CDH3: variants seen among roughly 807,000 people sequenced by gnomAD.
CDH3 encodes the protein cadherin 3, also known as cadherin-3.
CDH3 carries 54 observed loss-of-function variants against 82.0 expected under a neutral mutation model. The observed-to-expected ratio is 0.66, with a 90% CI of 0.53 to 0.83. The LOEUF (loss-of-function observed/expected upper bound fraction) is 0.83, where lower values mean the gene tolerates loss of function less well. Among genes scored for constraint, CDH3 ranks in the 40% least tolerant of loss-of-function variants. CDH3 has a pLI of 0.00. For synonymous variants in CDH3, 446 were observed against 437.9 expected (o/e 1.02, Z -0.23); for missense variants, 1,054 against 1,084.6 (o/e 0.97, Z 0.40).
rs576039703 is a variant in CDH3 at position 68,680,840 on chromosome 16, G to C, written c.868-128G>C. 36 of 1,038,852 alleles carry C rather than the reference G, an allele frequency of 3.5e-5. 1 individual carries two copies. The East Asian group carries it at 3.6e-4, about 10-fold the overall frequency. 64.4% of individuals were successfully genotyped at this position (1,038,852 alleles called of 1,614,324 possible). ...GCAGTGGGTGAGGGGTGGTCAAGGA[G>C]TCAGCGTTATGATAGGGAGAGATCC... is the stretch of plus-strand genomic sequence containing the variant. On this transcript the variant is annotated intron_variant, in intron 7 of 15. Coordinates refer to ENST00000264012, the MANE Select transcript of CDH3 (RefSeq NM_001793.6).
intron 1 of CDH3, among the ~76,000 whole-genome samples, chr16:68,711,382 G>A (rs1359310043): frequency 1.3e-5 from 2 of 152,076 alleles, no homozygotes; most frequent in African/African-American, 4.8e-5. Context: ...AAGAGAAAGA[G>A]CAGGTGTGAG....
chr16:68,669,561 G>A (rs1960829973), intron 2 of CDH3, among the ~76,000 whole-genome samples: 1 of 152,038 alleles, frequency 6.6e-6, no homozygotes, highest in African/African-American at 2.4e-5. Context: ...ACACTCTAGT[G>A]GGAAGCAGAT....
intron 15 of CDH3, among the ~76,000 whole-genome samples, chr16:68,697,739 C>A (rs976496575): frequency 6.6e-6 from 1 of 152,176 alleles, no homozygotes; most frequent in African/African-American, 2.4e-5. Flanking sequence ...ATTCTAATAA[C>A]TGCTTTACAG....
intron 1 of CDH3, among the ~76,000 whole-genome samples, chr16:68,716,620 CAAAAAAAAA>C (rs563385107): frequency 5.8e-5 from 6 of 103,200 alleles, no homozygotes; most frequent in Non-Finnish European, 1.1e-4. Flanking sequence ...GACTCCGGCT[CAAAAAAAAA>C]AAAAAAAAAA....
At chr16:68,686,684 TGAAATAAG>T (rs1369780360) in intron 11 of CDH3, 1 of 790,736 alleles carries the variant, frequency 1.3e-6, no homozygotes, top group East Asian at 2.4e-5. Flanking sequence ...GTACGTAGAC[TGAAATAAG>T]TCACTATTGG....
At chr16:68,695,610 G>A (rs1047491032) in intron 14 of CDH3, among the ~76,000 whole-genome samples, 167 bp from the exon 15 acceptor site, 5 of 152,216 alleles carry the variant, frequency 3.3e-5, no homozygotes, top group South Asian at 2.1e-4. Context: ...CTAGGACAAG[G>A]GAGGATGGAA....
downstream of CDH3, among the ~76,000 whole-genome samples, chr16:68,731,053 T>C (rs1411901961): frequency 0.067 from 2,032 of 30,360 alleles, 138 homozygotes; most frequent in African/African-American, 0.17. Context: ...AAAAAATATA[T>C]ATATATATAT....
intron 13 of CDH3, 36 bp downstream of exon 13, chr16:68,691,962 G>GGT: frequency 6.4e-7 from 1 of 1,560,204 alleles, no homozygotes; most frequent in Non-Finnish European, 8.8e-7. Flanking sequence ...CCTGAGGATG[G>GGT]GGGAGTTGAA....
intron 9 of CDH3, 73 bp from the exon 10 acceptor site, chr16:68,684,510 C>T: frequency 6.3e-7 from 1 of 1,581,010 alleles, no homozygotes; most frequent in South Asian, 1.1e-5. Context: ...TTTTCCTTCT[C>T]ACATCTCAAC....
intron 15 of CDH3, chr16:68,696,930 A>T (rs1814085793): frequency 6.7e-6 from 1 of 150,180 alleles, no homozygotes; most frequent in South Asian, 2.1e-4. Context: ...GCGCCTCAAT[A>T]TTTTTCCATG....
chr16:68,678,265 G>A lies in CDH3; in HGVS notation c.378G>A (p.Gln126=). The change falls in exon 4 of 16, where the codon CAG becomes CAA. Residue 126 remains glutamine, a synonymous_variant. Coordinates refer to ENST00000264012, the MANE Select transcript of CDH3 (RefSeq NM_001793.6). ...AAAATGGCAAGGGTCCCTTCCCCCA[G>A]AGACTGAATCAGGTACGACTGTGCC... ...VPENGKGPFP[Q]RLNQLKSNKD... is the part of the protein sequence containing the mutation. The A allele has an allele frequency of 6.2e-7, 1 of 1,614,192 alleles. No homozygotes were observed. The highest frequency in any genetic ancestry group is 1.1e-5 in the South Asian group (1 of 91,072).
Position 68,660,128 on chromosome 16 carries a change from A to C in CDH3, c.160+14378A>C, listed in dbSNP as rs150867808. On this transcript the variant is annotated intron_variant, in intron 2 of 15. Coordinates refer to ENST00000264012, the MANE Select transcript of CDH3 (RefSeq NM_001793.6). ...CTATCAGTAATTGCCTTATTAGGAA[A>C]GACTGCTGTAGAAAGATGATCGAGT... Among the ~76,000 whole-genome samples the C allele has an allele frequency of 4.7e-3, 711 of 152,324 alleles. 3 individuals are homozygous for C. The highest frequency in any genetic ancestry group is 0.016 in the African/African-American group (670 of 41,568).
chr16:68,670,254 T>G (rs982017021), intron 2 of CDH3, among the ~76,000 whole-genome samples: 1 of 149,658 alleles, frequency 6.7e-6, no homozygotes, highest in African/African-American at 2.5e-5. Context: ...AGAACATCAT[T>G]AGTACTTAAG....
At position 68,721,229 on chromosome 16, in the gene CDH3, C is replaced by CTT. The variant is rs71148941; in HGVS notation, c.100-1177_100-1176dup. ...GACCTTACCCTTTATGCAGTTTAGTCTTTTTTTTTTTTTTTTTTTTGAGAT... is the reference window on the plus strand; with the variant it reads ...GACCTTACCCTTTATGCAGTTTAGTCTTTTTTTTTTTTTTTTTTTTTTGAGAT... On this transcript the variant is annotated intron_variant, in intron 1 of 2. Coordinates refer to the CDH3 transcript ENST00000569080. 7.3e-3 allele frequency among the ~76,000 whole-genome samples: 833 copies of CTT among 114,532 alleles called. 20 individuals carry two copies. Among genetic ancestry groups the CTT allele is most frequent in the South Asian group, 0.012 (40 of 3,236 alleles). The allele number at this position is 114,532 out of a possible 152,430, so 75.1% of individuals were successfully genotyped here.
chr16:68,689,993 G>C (rs1961521079), intron 12 of CDH3, among the ~76,000 whole-genome samples: 1 of 152,150 alleles, frequency 6.6e-6, no homozygotes, highest in African/African-American at 2.4e-5. Context: ...TGAGAAAGTT[G>C]AGTCTAAACC....
chr16:68,717,343 G>GA (rs1273300518), intron 1 of CDH3, among the ~76,000 whole-genome samples: 1 of 152,160 alleles, frequency 6.6e-6, no homozygotes, highest in East Asian at 1.9e-4. Context: ...GGAGCAACTA[G>GA]AAGTCTCATG....
At chr16:68,676,303 G>A in intron 2 of CDH3, 82 bp from the exon 3 acceptor site, 1 of 943,298 alleles carries the variant, frequency 1.1e-6, no homozygotes, top group African/African-American at 1.6e-5. Context: ...CCAGTCAGAG[G>A]ACTCTTGTCA....
intron 9 of CDH3, among the ~76,000 whole-genome samples, chr16:68,683,528 T>C (rs960883500): frequency 2.6e-5 from 4 of 150,980 alleles, no homozygotes; most frequent in Non-Finnish European, 2.9e-5. Context: ...GGCAGGCGCC[T>C]GTAGTCCCAG....
In CDH3 at chr16:68,698,445, C is replaced by A; in HGVS notation, c.*45C>A. The stretch of plus-strand genomic sequence containing the variant: ...GGGGACCAAACGTCAGGCCACAGAG[C>A]ATCTCCAAGGGGTCTCAGTTCCCCC... On this transcript the variant is annotated 3_prime_UTR_variant, in exon 16 of 16. Transcript: ENST00000264012. 6.4e-7 allele frequency: 1 copy of A among 1,559,504 alleles called. No homozygotes were observed. Among genetic ancestry groups the A allele is most frequent in the African/African-American group, 1.4e-5 (1 of 73,938 alleles).
Sources: gnomAD v4.1 joint callset for allele counts (sites outside exome capture counted in the v4.1 genomes callset) on GRCh38, gnomAD v4.1.1 for gene constraint, MANE v1.5 for transcripts, NCBI Gene and HGNC (gene_info 2026-07-23, HGNC 2026-07-21) for gene names.